Variants in SQSTM1 observed in about 807,000 individuals in gnomAD.
The protein encoded by SQSTM1 is sequestosome 1.
In SQSTM1, 36 loss-of-function variants were observed where a neutral mutation model predicts 45.1. The ratio of observed to expected loss-of-function variants is 0.80; its 90% CI spans 0.61 to 1.05. SQSTM1 has a LOEUF of 1.05. Ranked by LOEUF, SQSTM1 falls within the 50% of genes least tolerant of loss-of-function variation. SQSTM1 has a pLI of 0.00. For missense variants in SQSTM1, 617 were observed against 607.1 expected, an observed-to-expected ratio of 1.02 and a Z score of -0.17; for synonymous variants, 290 against 244.3, an observed-to-expected ratio of 1.19 and a Z score of -1.74.
intron 1 of SQSTM1, 133 bp from the exon 2 acceptor site, chr5:179,822,825 T>C (rs1309561117): frequency 2.5e-6 from 2 of 786,732 alleles, no homozygotes; most frequent in Non-Finnish European, 4.4e-6. Flanking sequence ...ACTCCTGCCC[T>C]CTGTGGCTCA....
At chr5:179,813,797 G>C (rs1757504758) in intron 2 of SQSTM1, among the ~76,000 whole-genome samples, 2 of 152,050 alleles carry the variant, frequency 1.3e-5, no homozygotes, top group Admixed American at 1.3e-4. Context: ...CATGGAAAGG[G>C]GCTGGAGAGA....
At chr5:179,817,303 G>T (rs1211192425), upstream of SQSTM1, among the ~76,000 whole-genome samples, 1 of 152,178 alleles carries the variant, frequency 6.6e-6, no homozygotes, top group African/African-American at 2.4e-5. Context: ...GCTCCGCGTC[G>T]TGCCTTTAGA....
rs145688323 is a variant in SQSTM1, at chr5:179,825,168, G to C, written c.696G>C (p.Pro232=). The change falls in exon 5 of 8, where the codon CCG becomes CCC. Residue 232 remains proline (P), a synonymous_variant. Transcript: ENST00000389805. ...AAGCTTCTGGTCCATCGGAGGATCC[G>C]AGTGTGAATTTCCTGAAGAACGTTG... ...AESASGPSED[P]SVNFLKNVGE... The C allele has an allele frequency of 2.5e-6, 4 of 1,614,124 alleles. No individual in the cohort carries two copies. The East Asian group carries it at 6.7e-5, about 27-fold the overall frequency.
intron 6 of SQSTM1, 109 bp downstream of exon 6, chr5:179,833,355 G>C: frequency 8.7e-7 from 1 of 1,145,192 alleles, no homozygotes; most frequent in South Asian, 1.3e-5. Context: ...ACAAACCCGA[G>C]GGAGCTGCTG....
intron 6 of SQSTM1, 121 bp downstream of exon 6, chr5:179,833,367 TG>T: frequency 9.3e-7 from 1 of 1,079,242 alleles, no homozygotes; most frequent in East Asian, 2.6e-5. Flanking sequence ...GAGCTGCTGC[TG>T]CTGCAGTGAT....
Position 179,823,060 on chromosome 5 carries a change from G to C in SQSTM1, c.301+7G>C. On this transcript the variant is annotated splice_region_variant and intron_variant, in intron 2 of 7. Coordinates refer to ENST00000389805, the MANE Select transcript of SQSTM1 (RefSeq NM_003900.5). ...TTCCGAATCTACATTAAAGGTAAGG[G>C]GCTGCTCTGGGGGCTGCCTGAAGCC... 6.2e-7 allele frequency: 1 copy of C among 1,613,112 alleles called. No individual in the cohort carries two copies. The highest frequency in any genetic ancestry group is 8.5e-7 in the Non-Finnish European group (1 of 1,179,266).
intron 5 of SQSTM1, among the ~76,000 whole-genome samples, chr5:179,829,169 C>T (rs1469642611): frequency 1.3e-5 from 2 of 152,206 alleles, no homozygotes; most frequent in Non-Finnish European, 2.9e-5. Flanking sequence ...GAAGCTTCAG[C>T]ATGGGATACT....
chr5:179,828,761 C>T (rs939695536), intron 5 of SQSTM1, among the ~76,000 whole-genome samples: 1 of 152,150 alleles, frequency 6.6e-6, no homozygotes, highest in African/African-American at 2.4e-5. Context: ...GTAGTTAAGC[C>T]TGCTTTTACC....
At chr5:179,826,499 C>T (rs1561599916) in intron 5 of SQSTM1, among the ~76,000 whole-genome samples, 1 of 151,736 alleles carries the variant, frequency 6.6e-6, no homozygotes, top group Non-Finnish European at 1.5e-5. Context: ...GCAGTGACAT[C>T]TTGGCATTGC....
chr5:179,833,816 A>G (rs1215885939), intron 7 of SQSTM1, 34 bp downstream of exon 7: 1 of 1,610,608 alleles, frequency 6.2e-7, no homozygotes, highest in African/African-American at 1.3e-5. Flanking sequence ...ACATATTCCT[A>G]CCTTTCCCTT....
rs761346520 is a variant in SQSTM1, at chr5:179,825,134, T to TA, written c.674-7dup. On this transcript the variant is annotated splice_polypyrimidine_tract_variant and intron_variant, in intron 4 of 7. Transcript: ENST00000389805. ...TAAAGATATCTTTATCTTATCTTTG[T>TA]AAAAATCAAAGCTTCTGGTCCATCG... The TA allele has an allele frequency of 2.1e-5, 34 of 1,613,546 alleles. No individual in the cohort carries two copies. Among genetic ancestry groups the TA allele is most frequent in the Non-Finnish European group, 2.9e-5 (34 of 1,179,708 alleles).
intron 7 of SQSTM1, 140 bp downstream of exon 7, chr5:179,833,922 T>C: frequency 1.1e-6 from 1 of 947,506 alleles, no homozygotes. Flanking sequence ...AGGTTAGGAG[T>C]TGGTTTTGTC....
At chr5:179,825,920 A>G (rs1228948371) in intron 5 of SQSTM1, among the ~76,000 whole-genome samples, 1 of 152,120 alleles carries the variant, frequency 6.6e-6, no homozygotes, top group East Asian at 1.9e-4. Context: ...CAGTGAATGA[A>G]GCCAACTTCT....
At chr5:179,834,324 G>A (rs1163611563) in intron 7 of SQSTM1, among the ~76,000 whole-genome samples, 1 of 151,654 alleles carries the variant, frequency 6.6e-6, no homozygotes, top group Non-Finnish European at 1.5e-5. Flanking sequence ...TGCACAACCT[G>A]CTGTGGGCCG....
At chr5:179,811,397 CA>C (rs1757397142) in intron 1 of SQSTM1, among the ~76,000 whole-genome samples, 1 of 22,330 alleles carries the variant, frequency 4.5e-5, no homozygotes, top group Non-Finnish European at 9.3e-5. Flanking sequence ...AGGAGCTATG[CA>C]GGGGGAGGAG....
chr5:179,824,018 C>T lies in SQSTM1; in HGVS notation c.462C>T (p.Cys154=), dbSNP rs775988188. The change falls in exon 3 of 8, where the codon TGC becomes TGT. Residue 154 remains cysteine (C), a synonymous_variant. Coordinates refer to ENST00000389805, the MANE Select transcript of SQSTM1 (RefSeq NM_003900.5). ...VCPDYDLCSV[C]EGKGLHRGHT... Reference sequence around the variant, plus strand: ...CAGACTACGACTTGTGTAGCGTCTGCGAGGGAAAGGGCTTGCACCGGGGGC... The same window carrying T: ...CAGACTACGACTTGTGTAGCGTCTGTGAGGGAAAGGGCTTGCACCGGGGGC... 65 of 1,614,026 alleles carry T rather than the reference C, an allele frequency of 4.0e-5. No individual in the cohort carries two copies. Among genetic ancestry groups the T allele is most frequent in the South Asian group, 7.7e-5 (7 of 91,088 alleles).
chr5:179,819,358 C>G (rs916971614), upstream of SQSTM1, among the ~76,000 whole-genome samples: 5 of 151,894 alleles, frequency 3.3e-5, no homozygotes. Context: ...ATGCCCCTAG[C>G]CCCCGCGGAA....
At position 179,825,134 on chromosome 5, in the gene SQSTM1, T is replaced by C. The variant is rs1220294401; in HGVS notation, c.674-12T>C. On this transcript the variant is annotated splice_polypyrimidine_tract_variant and intron_variant, in intron 4 of 7. Coordinates refer to ENST00000389805, the MANE Select transcript of SQSTM1 (RefSeq NM_003900.5). ...TAAAGATATCTTTATCTTATCTTTG[T>C]AAAAATCAAAGCTTCTGGTCCATCG... 6.2e-7 allele frequency: 1 copy of C among 1,613,546 alleles called. No homozygotes were observed. The highest frequency in any genetic ancestry group is 1.3e-5 in the African/African-American group (1 of 74,906).
In SQSTM1 at chr5:179,837,227, A is replaced by G; in HGVS notation, c.*634A>G. 1 of 1,592,546 alleles carries G rather than the reference A, an allele frequency of 6.3e-7. No individual in the cohort carries two copies. Among genetic ancestry groups the G allele is most frequent in the Non-Finnish European group, 8.5e-7 (1 of 1,174,950 alleles). On this transcript the variant is annotated 3_prime_UTR_variant, in exon 8 of 8. Transcript: ENST00000389805. ...ATCCTGTTAAATTTGTAAACAATCT[A>G]ATTAAATGGCATCAGCACTTTAACC...
Sources: allele counts gnomAD v4.1 joint callset (sites outside exome capture counted in the v4.1 genomes callset), GRCh38; gene constraint gnomAD v4.1.1; transcripts MANE v1.5; gene names NCBI Gene and HGNC (gene_info 2026-07-23, HGNC 2026-07-21).